Variants in ZDHHC3 observed in about 807,000 individuals in gnomAD.
ZDHHC3 encodes the protein zDHHC palmitoyltransferase 3, also known as palmitoyltransferase ZDHHC3.
Under a neutral mutation model 30.6 loss-of-function variants are expected in ZDHHC3, and 9 were observed. The ratio of observed to expected loss-of-function variants is 0.29; its 90% CI spans 0.18 to 0.51. The LOEUF is 0.51. Among genes scored for constraint, ZDHHC3 ranks in the 20% least tolerant of loss-of-function variants. The probability of loss-of-function intolerance (pLI) is 0.97; values close to 1 mark genes in which losing one functional copy is unlikely to be tolerated. For synonymous variants in ZDHHC3, 136 were observed against 140.2 expected (o/e 0.97, Z 0.21); for missense variants, 246 against 384.2 (o/e 0.64, Z 3.01).
At chr3:44,972,612 C>A (rs116640367) in intron 1 of ZDHHC3, among the ~76,000 whole-genome samples, 295 of 152,300 alleles carry the variant, frequency 1.9e-3, no homozygotes, top group African/African-American at 6.5e-3. Flanking sequence ...TTGTGGCTAG[C>A]AGCAGCTCTT....
chr3:44,941,757 T>TAAAA (rs199887044), intron 3 of ZDHHC3, among the ~76,000 whole-genome samples: 2 of 117,320 alleles, frequency 1.7e-5, no homozygotes, highest in African/African-American at 3.2e-5. Context: ...GCTGATGAGC[T>TAAAA]AAAAAAAAAA....
At chr3:44,950,250 G>C (rs1311138431) in intron 2 of ZDHHC3, among the ~76,000 whole-genome samples, 1 of 152,250 alleles carries the variant, frequency 6.6e-6, no homozygotes, top group Non-Finnish European at 1.5e-5. Flanking sequence ...AAAGTGCAAA[G>C]GGACATCCTT....
chr3:44,947,936 C>T lies in ZDHHC3; in HGVS notation c.307-2644G>A, dbSNP rs566536809. Among the ~76,000 whole-genome samples, 7 of 152,296 alleles carry T rather than the reference C, an allele frequency of 4.6e-5. No homozygotes were observed. The South Asian group carries it at 1.5e-3, about 32-fold the overall frequency. ...AGGATGTGCCATCCTGGGAACTCTG[C>T]CTGCTTGGCCCAGCTCCCAAACAAG... On this transcript the variant is annotated intron_variant, in intron 2 of 6. Transcript: ENST00000424952.
At chr3:44,965,680 G>C (rs772542501) in intron 1 of ZDHHC3, among the ~76,000 whole-genome samples, 1 of 152,184 alleles carries the variant, frequency 6.6e-6, no homozygotes, top group Non-Finnish European at 1.5e-5. Flanking sequence ...AAGCATGATT[G>C]TCACATCAAA....
At chr3:44,946,709 G>A (rs1193636026) in intron 2 of ZDHHC3, among the ~76,000 whole-genome samples, 1 of 152,154 alleles carries the variant, frequency 6.6e-6, no homozygotes, top group Admixed American at 6.5e-5. Flanking sequence ...TTCCAGCAGA[G>A]GAGGGCATGA....
In ZDHHC3 at chr3:44,972,896, C is replaced by T. The variant is rs140088690; in HGVS notation, c.-25+3037G>A. The stretch of plus-strand genomic sequence containing the variant: ...TTTCTAGATATCTGAGTATGGCATA[C>T]GGTTGGAATCTGGGTCTCCATGCAT... On this transcript the variant is annotated intron_variant, in intron 1 of 6. Transcript: ENST00000424952. 4.6e-3 allele frequency among the ~76,000 whole-genome samples: 702 copies of T among 152,278 alleles called. 7 individuals are homozygous for T. The highest frequency in any genetic ancestry group is 0.016 in the African/African-American group (663 of 41,534).
chr3:44,944,695 T>C (rs1702759793), intron 3 of ZDHHC3, among the ~76,000 whole-genome samples: 2 of 152,254 alleles, frequency 1.3e-5, no homozygotes, highest in South Asian at 2.1e-4. Flanking sequence ...GCTTTCTTTT[T>C]TGGTTTAATT....
chr3:44,931,610 T>C (rs1421858345), intron 5 of ZDHHC3, among the ~76,000 whole-genome samples: 1 of 152,166 alleles, frequency 6.6e-6, no homozygotes, highest in East Asian at 1.9e-4. Context: ...GCCTCAACTT[T>C]GGGTACTGAC....
chr3:44,921,879 G>A lies in ZDHHC3; in HGVS notation c.*4810C>T. On this transcript the variant is annotated 3_prime_UTR_variant, in exon 7 of 7. Coordinates refer to ENST00000424952, the MANE Select transcript of ZDHHC3 (RefSeq NM_001135179.2). ...CTGCAGAAATTCAGGGCATCCTTAT[G>A]TCCGTGTTAGAGCATGTGCGGCCCC... 9 of 985,418 alleles carry A rather than the reference G, an allele frequency of 9.1e-6. No homozygotes were observed. The highest frequency in any genetic ancestry group is 1.1e-5 in the Non-Finnish European group (9 of 829,926). The allele number at this position is 985,418 out of a possible 1,614,324, so 61.0% of individuals were successfully genotyped here.
chr3:44,964,966 C>T (rs9839155), intron 1 of ZDHHC3, among the ~76,000 whole-genome samples: 83,560 of 151,746 alleles, frequency 0.55, 23,681 homozygotes, highest in East Asian at 0.89. Flanking sequence ...AGGAACTAAG[C>T]CTGGGGAGGG....
chr3:44,961,278 G>C (rs1479256832), intron 1 of ZDHHC3, among the ~76,000 whole-genome samples: 1 of 152,212 alleles, frequency 6.6e-6, no homozygotes, highest in Non-Finnish European at 1.5e-5. Context: ...TGTAGTCCCA[G>C]CTACTGGGGA....
chr3:44,966,601 G>A (rs1187816169), intron 1 of ZDHHC3, among the ~76,000 whole-genome samples: 1 of 152,164 alleles, frequency 6.6e-6, no homozygotes, highest in African/African-American at 2.4e-5. Context: ...ATTTTAGAGT[G>A]ATAGTCTTAA....
chr3:44,926,866 A>G lies in ZDHHC3; in HGVS notation c.742-19T>C, dbSNP rs1290139918. 1.3e-6 allele frequency: 2 copies of G among 1,593,450 alleles called. No individual in the cohort carries two copies. The highest frequency in any genetic ancestry group is 2.3e-5 in the South Asian group (2 of 86,904). On this transcript the variant is annotated intron_variant, in intron 6 of 6. Coordinates refer to ENST00000424952, the MANE Select transcript of ZDHHC3 (RefSeq NM_001135179.2). ...CTATTCCCTGAAAACAAGAACAATC[A>G]TACTTTCAGTCAAGCACTGCATTGC... is the stretch of plus-strand genomic sequence containing the variant.
intron 3 of ZDHHC3, among the ~76,000 whole-genome samples, chr3:44,936,206 C>A (rs1236741162): frequency 4.6e-5 from 7 of 152,012 alleles, no homozygotes; most frequent in African/African-American, 1.2e-4. Context: ...AGGACATGAA[C>A]AGACACTTCA....
rs1441680870 is a variant in ZDHHC3 at position 44,959,456 on chromosome 3, G to C, written c.-20C>G. 1 of 1,600,190 alleles carries C rather than the reference G, an allele frequency of 6.2e-7. No individual in the cohort carries two copies. Among genetic ancestry groups the C allele is most frequent in the Non-Finnish European group, 8.5e-7 (1 of 1,170,010 alleles). Reference sequence around the variant, plus strand: ...CATCATAAGCTATTCTGTCCATACTGGCATCTGAAAGAGAGAGGAAAGAAT... The same window carrying C: ...CATCATAAGCTATTCTGTCCATACTCGCATCTGAAAGAGAGAGGAAAGAAT... On this transcript the variant is annotated 5_prime_UTR_variant, in exon 2 of 7. Coordinates refer to ENST00000424952, the MANE Select transcript of ZDHHC3 (RefSeq NM_001135179.2). The surrounding 1 kb of genome is among the most constrained non-coding windows in gnomAD (Gnocchi z 4.3).
rs1051937286 is a variant in ZDHHC3 at position 44,924,062 on chromosome 3, C to T, written c.*2627G>A. 2 of 985,440 alleles carry T rather than the reference C, an allele frequency of 2.0e-6. No individual in the cohort carries two copies. Among genetic ancestry groups the T allele is most frequent in the Non-Finnish European group, 2.4e-6 (2 of 829,932 alleles). The allele number at this position is 985,440 out of a possible 1,614,324, so 61.0% of individuals were successfully genotyped here. On this transcript the variant is annotated 3_prime_UTR_variant, in exon 7 of 7. Coordinates refer to ENST00000424952, the MANE Select transcript of ZDHHC3 (RefSeq NM_001135179.2). The stretch of plus-strand genomic sequence containing the variant: ...CAACAAGCCACATCTTTATTTTTCA[C>T]TTCCACTCCCCAGAGCCCAGGCTCT...
Position 44,921,186 on chromosome 3 carries a change from C to T in ZDHHC3, c.*5503G>A, listed in dbSNP as rs190908783. On this transcript the variant is annotated 3_prime_UTR_variant, in exon 7 of 7. Transcript: ENST00000424952. ...ATGAGCTGTGATCTGTGAACAAACT[C>T]ACCAACACTCCAAAATGAATGTATT... is the stretch of plus-strand genomic sequence containing the variant. 5 of 985,104 alleles carry T rather than the reference C, an allele frequency of 5.1e-6. No individual in the cohort carries two copies. The highest frequency in any genetic ancestry group is 1.7e-5 in the African/African-American group (1 of 57,246). 61.0% of individuals were successfully genotyped at this position (985,104 alleles called of 1,614,324 possible).
At chr3:44,957,403 C>G (rs751724847) in intron 2 of ZDHHC3, among the ~76,000 whole-genome samples, 1 of 152,184 alleles carries the variant, frequency 6.6e-6, no homozygotes, top group Non-Finnish European at 1.5e-5. Flanking sequence ...TATTCCCACA[C>G]CAGTGCCACT....
Position 44,924,306 on chromosome 3 carries a change from T to C in ZDHHC3, c.*2383A>G, listed in dbSNP as rs755544436. Reference sequence around the variant, plus strand: ...CAATCACTACCCTGCAAATGATGGCTACATTCCTCAGTCATTGTGCTCTTG... The same window carrying C: ...CAATCACTACCCTGCAAATGATGGCCACATTCCTCAGTCATTGTGCTCTTG... On this transcript the variant is annotated 3_prime_UTR_variant, in exon 7 of 7. Coordinates refer to ENST00000424952, the MANE Select transcript of ZDHHC3 (RefSeq NM_001135179.2). The C allele has an allele frequency of 4.3e-5, 42 of 985,348 alleles. No individual in the cohort carries two copies. The highest frequency in any genetic ancestry group is 5.1e-5 in the Non-Finnish European group (42 of 829,946). The allele number at this position is 985,348 out of a possible 1,614,324, so 61.0% of individuals were successfully genotyped here.
Sources: gnomAD v4.1 joint callset for allele counts (sites outside exome capture counted in the v4.1 genomes callset) on GRCh38, gnomAD v4.1.1 for gene constraint, Gnocchi (gnomAD v3.1) non-coding constraint, MANE v1.5 for transcripts, NCBI Gene and HGNC (gene_info 2026-07-23, HGNC 2026-07-21) for gene names.